The following MYH3 variants were observed in gnomAD, a reference collection of about 807,000 sequenced individuals.
MYH3 encodes the protein myosin-3.
In MYH3, 130 loss-of-function variants were observed where a neutral mutation model predicts 238.0. The ratio of observed to expected loss-of-function variants is 0.55; its 90% CI spans 0.47 to 0.63. MYH3 has a LOEUF of 0.63. MYH3 is among the 30% of genes least tolerant of loss of function. MYH3 has a pLI of 0.00. For synonymous variants in MYH3, 880 were observed against 924.1 expected, an observed-to-expected ratio of 0.95 and a Z score of 0.86; for missense variants, 1,853 against 2,374.9, an observed-to-expected ratio of 0.78 and a Z score of 4.57.
chr17:10,639,639 G>A lies in MYH3; in HGVS notation c.2846C>T (p.Ser949Leu), dbSNP rs761639679. ...AKKRKLEDEC[S>L]ELKKDIDDLE... ...GTCATCAATGTCTTTCTTGAGCTCT[G>A]AGCATTCATCCTCCAGTTTCCTCTT... The change falls in exon 23 of 41, where the codon TCA (serine) becomes TTA (leucine). Residue 949 changes from serine (S) to leucine (L), a missense_variant. This residue lies in a region of MYH3 where 678 missense variants were observed against 1,058.9 expected (regional missense o/e 0.64). Transcript: ENST00000583535. 13 of 1,613,896 alleles carry A rather than the reference G, an allele frequency of 8.1e-6. No individual in the cohort carries two copies. Among genetic ancestry groups the A allele is most frequent in the Admixed American group, 1.7e-5 (1 of 59,974 alleles).
chr17:10,656,941 A>G (rs1441397844), intron 1 of MYH3, among the ~76,000 whole-genome samples: 1 of 152,186 alleles, frequency 6.6e-6, no homozygotes, highest in Non-Finnish European at 1.5e-5. Flanking sequence ...CATGGGTCAC[A>G]GAGGCAATGG....
At chr17:10,644,533 A>C in intron 13 of MYH3, 33 bp from the exon 14 acceptor site, 1 of 1,613,984 alleles carries the variant, frequency 6.2e-7, no homozygotes, top group Non-Finnish European at 8.5e-7. Flanking sequence ...CTGGATATGA[A>C]GGAAGTGGCC....
intron 32 of MYH3, 35 bp from the exon 33 acceptor site, chr17:10,633,750 C>A (rs2074186983): frequency 6.2e-7 from 1 of 1,612,766 alleles, no homozygotes; most frequent in African/African-American, 1.3e-5. Flanking sequence ...CATATGAGCG[C>A]CTCTGCGTGG....
intron 24 of MYH3, 51 bp from the exon 25 acceptor site, chr17:10,639,240 C>T: frequency 6.2e-7 from 1 of 1,614,028 alleles, no homozygotes; most frequent in Non-Finnish European, 8.5e-7. Flanking sequence ...CAAGAGGACC[C>T]TTGAGGGCTC....
chr17:10,670,438 T>C, the MYH3 span, among the ~76,000 whole-genome samples: 2 of 152,200 alleles, frequency 1.3e-5, no homozygotes, highest in African/African-American at 2.4e-5. This position sits in a 1 kb window ranked among gnomAD's most constrained non-coding sequence, Gnocchi z 7.0. Context: ...ATCTTTTTTT[T>C]CACTGTCAGT....
At chr17:10,651,731 C>G (rs1180710246) in intron 4 of MYH3, 63 bp from the exon 5 acceptor site, 2 of 1,531,818 alleles carry the variant, frequency 1.3e-6, no homozygotes, top group Middle Eastern at 1.8e-4. Flanking sequence ...AACCCCTTGC[C>G]TTTATTATTA....
rs2074258941 is a variant in MYH3 at position 10,640,376 on chromosome 17, C to T, written c.2383G>A (p.Gly795Arg). 2 of 1,614,116 alleles carry T rather than the reference C, an allele frequency of 1.2e-6. No homozygotes were observed. The highest frequency in any genetic ancestry group is 1.7e-5 in the Admixed American group (1 of 60,012). Residue 795 changes from glycine (G) to arginine (R), a missense_variant, in exon 21 of 41, where the codon GGG (glycine) becomes AGG (arginine). Transcript: ENST00000583535. The part of the protein sequence containing the change: ...LITRTQAVCR[G>R]FLMRVEFQKM... ...TGGAATTCCACACGCATGAGGAACC[C>T]TCTGCACACAGCTTGTGTCCGGGTG...
Position 10,642,553 on chromosome 17 carries a change from C to G in MYH3, c.1752G>C (p.Ala584=), listed in dbSNP as rs763431777. 16 of 1,614,054 alleles carry G rather than the reference C, an allele frequency of 9.9e-6. No homozygotes were observed. The African/African-American group carries it at 1.1e-4, about 11-fold the overall frequency. Residue 584 remains alanine (A), a synonymous_variant, in exon 16 of 41, where the codon GCG becomes GCC. Transcript: ENST00000583535. This position sits in a 1 kb window ranked among gnomAD's most constrained non-coding sequence, Gnocchi z 5.4. ...AEAHFSLIHY[A]GTVDYSVSGW... ...CTGAGACACTGTAGTCCACGGTGCCCGCATAGTGGATCAGTGAGAAGTGAG... is the reference window on the plus strand; with the variant it reads ...CTGAGACACTGTAGTCCACGGTGCCGGCATAGTGGATCAGTGAGAAGTGAG...
At chr17:10,665,293 C>A in the MYH3 span, among the ~76,000 whole-genome samples, 148 of 152,216 alleles carry the variant, frequency 9.7e-4, 1 homozygote, top group African/African-American at 3.2e-3. Context: ...CAGGCACCCA[C>A]CACCATGCCC....
In MYH3 at chr17:10,632,473, A is replaced by G. The variant is rs1240222786; in HGVS notation, c.4956+3T>C. 3 of 1,613,126 alleles carry G rather than the reference A, an allele frequency of 1.9e-6. 1 individual carries two copies. Among genetic ancestry groups the G allele is most frequent in the South Asian group, 1.1e-5 (1 of 91,074 alleles). ...GGTTTTTCCCCGATGGGTTCTCTCA[A>G]ACCTTCAGCTGTCCCTGGACACTCC... On this transcript the variant is annotated splice_donor_region_variant and intron_variant, in intron 34 of 40. Coordinates refer to ENST00000583535, the MANE Select transcript of MYH3 (RefSeq NM_002470.4).
intron 1 of MYH3, 96 bp downstream of exon 1, chr17:10,657,193 A>T (rs941762199): frequency 2.6e-5 from 4 of 152,560 alleles, no homozygotes; most frequent in African/African-American, 9.7e-5. Flanking sequence ...CAGCAGAGCC[A>T]GGCAGGGCCA....
intron 1 of MYH3, among the ~76,000 whole-genome samples, chr17:10,656,822 C>T (rs1024947061): frequency 2.6e-5 from 4 of 152,156 alleles, no homozygotes; most frequent in Admixed American, 6.5e-5. Flanking sequence ...TTAATTTACA[C>T]GCAATGCCCA....
the MYH3 span, among the ~76,000 whole-genome samples, chr17:10,667,907 T>C: frequency 1.3e-5 from 2 of 152,116 alleles, no homozygotes; most frequent in East Asian, 3.9e-4. Flanking sequence ...TTTTGAACCA[T>C]ATAAATGGTT....
At chr17:10,652,234 T>C (rs947804587) in intron 4 of MYH3, 186 bp downstream of exon 4, 29 of 754,416 alleles carry the variant, frequency 3.8e-5, no homozygotes, top group Non-Finnish European at 5.5e-5. Flanking sequence ...CTTCCCACCT[T>C]CCTTCTTCCT....
chr17:10,663,365 G>A, the MYH3 span, among the ~76,000 whole-genome samples: 2 of 152,174 alleles, frequency 1.3e-5, no homozygotes, highest in Admixed American at 6.5e-5. Flanking sequence ...AATGTCTCGC[G>A]GAACAAGGTG....
chr17:10,647,769 T>C (rs1278590874), intron 8 of MYH3, among the ~76,000 whole-genome samples: 1 of 152,152 alleles, frequency 6.6e-6, no homozygotes, highest in Non-Finnish European at 1.5e-5. Context: ...GGTCTCGATC[T>C]CTTGACCTCG....
chr17:10,648,482 A>T lies in MYH3; in HGVS notation c.735+75T>A. On this transcript the variant is annotated intron_variant, in intron 8 of 40. Coordinates refer to ENST00000583535, the MANE Select transcript of MYH3 (RefSeq NM_002470.4). ...ATCATCTGTTGCCTCTGGTCTCTACACTCTTTGAGGACAGGGCTCTTGCCT... is the reference window on the plus strand; with the variant it reads ...ATCATCTGTTGCCTCTGGTCTCTACTCTCTTTGAGGACAGGGCTCTTGCCT... The T allele has an allele frequency of 3.2e-6, 4 of 1,240,322 alleles. No individual in the cohort carries two copies. The South Asian group carries it at 4.8e-5, about 15-fold the overall frequency. The allele number at this position is 1,240,322 out of a possible 1,614,324, so 76.8% of individuals were successfully genotyped here. A position where few individuals can be genotyped will look rare whatever the true frequency, so the allele number is the denominator to read the frequency against.
intron 6 of MYH3, among the ~76,000 whole-genome samples, chr17:10,650,102 G>A (rs565586857): frequency 5.9e-4 from 90 of 152,190 alleles, no homozygotes; most frequent in Non-Finnish European, 8.8e-4. Flanking sequence ...CTCCTGAGTA[G>A]CTGTGACTAC....
chr17:10,664,749 A>G, the MYH3 span, among the ~76,000 whole-genome samples: 2 of 152,168 alleles, frequency 1.3e-5, no homozygotes, highest in Non-Finnish European at 2.9e-5. Flanking sequence ...TTGAACTCAG[A>G]TGATTGACGG....
Sources: allele counts gnomAD v4.1 joint callset (sites outside exome capture counted in the v4.1 genomes callset), GRCh38; gene constraint gnomAD v4.1.1; regional missense constraint gnomAD v4.1.1; non-coding constraint Gnocchi (gnomAD v3.1); transcripts MANE v1.5; gene names NCBI Gene and HGNC (gene_info 2026-07-23, HGNC 2026-07-21).